The following DPP10 variants were observed in gnomAD, a reference collection of about 807,000 sequenced individuals.
DPP10 encodes the protein inactive dipeptidyl peptidase 10.
In DPP10, 33 loss-of-function variants were observed where a neutral mutation model predicts 120.9. The ratio of observed to expected loss-of-function variants is 0.27; its 90% confidence interval spans 0.21 to 0.37. The LOEUF is 0.37. DPP10 is among the 10% of genes least tolerant of loss of function. DPP10 has a pLI of 1.00. For synonymous variants in DPP10, 337 were observed against 326.1 expected, an observed-to-expected ratio of 1.03 and a Z score of -0.36; for missense variants, 816 against 942.8, an observed-to-expected ratio of 0.87 and a Z score of 1.76.
intron 1 of DPP10, among the ~76,000 whole-genome samples, chr2:114,968,236 G>C (rs975950574): frequency 6.6e-6 from 1 of 152,090 alleles, no homozygotes; most frequent in Non-Finnish European, 1.5e-5. Flanking sequence ...GCTCTGAAAG[G>C]TATTCCTTAT....
chr2:114,959,672 C>T (rs564020118), intron 1 of DPP10, among the ~76,000 whole-genome samples: 1 of 152,200 alleles, frequency 6.6e-6, no homozygotes, highest in African/African-American at 2.4e-5. Context: ...AACTGGATAC[C>T]ACACTGCCAA....
chr2:115,642,384 G>A (rs79747353), intron 5 of DPP10, among the ~76,000 whole-genome samples: 2,688 of 152,196 alleles, frequency 0.018, 89 homozygotes, highest in African/African-American at 0.061. Context: ...TCATCCATTA[G>A]TTTAAGGTCT....
intron 11 of DPP10, among the ~76,000 whole-genome samples, chr2:115,755,360 A>AGG (rs1679261487): frequency 6.6e-6 from 1 of 152,102 alleles, no homozygotes. Context: ...AGAAATAAAT[A>AGG]CATGTGTTTA....
intron 5 of DPP10, among the ~76,000 whole-genome samples, chr2:115,670,683 GCCATTCTCA>G (rs1326773889): frequency 6.6e-6 from 1 of 152,136 alleles, no homozygotes; most frequent in African/African-American, 2.4e-5. Flanking sequence ...CGTTAAAGCT[GCCATTCTCA>G]AATAAGGACT....
intron 1 of DPP10, among the ~76,000 whole-genome samples, chr2:114,490,985 A>G (rs550626449): frequency 6.6e-6 from 1 of 152,294 alleles, no homozygotes; most frequent in South Asian, 2.1e-4. Context: ...CAGATCCATA[A>G]TTAGCATTAA....
intron 19 of DPP10, among the ~76,000 whole-genome samples, chr2:115,806,597 G>A (rs1178584598): frequency 6.6e-6 from 1 of 152,126 alleles, no homozygotes; most frequent in Admixed American, 6.5e-5. Flanking sequence ...TACCAAGGAT[G>A]AAATACAGGT....
At chr2:114,762,232 A>C (rs1204763103) in intron 1 of DPP10, among the ~76,000 whole-genome samples, 1 of 152,242 alleles carries the variant, frequency 6.6e-6, no homozygotes, top group Admixed American at 6.5e-5. Flanking sequence ...GGAAGCCTTA[A>C]GCATTAGATC....
chr2:114,722,275 ATTTTT>A (rs1558671063), intron 1 of DPP10, among the ~76,000 whole-genome samples: 7 of 152,110 alleles, frequency 4.6e-5, no homozygotes, highest in African/African-American at 1.4e-4. Flanking sequence ...GCACTACACT[ATTTTT>A]GTCAAGAATG....
intron 1 of DPP10, among the ~76,000 whole-genome samples, chr2:115,210,096 G>A (rs2056407163): frequency 6.6e-6 from 1 of 152,034 alleles, no homozygotes; most frequent in Non-Finnish European, 1.5e-5. Flanking sequence ...ATGTATACAT[G>A]TGCCATGTTG....
chr2:115,121,630 G>A (rs1352620803), intron 1 of DPP10, among the ~76,000 whole-genome samples: 5 of 152,210 alleles, frequency 3.3e-5, no homozygotes, highest in African/African-American at 1.2e-4. Context: ...GCCCATTTGG[G>A]CAATTCTTTT....
chr2:115,024,217 G>A (rs1166242477), intron 1 of DPP10, among the ~76,000 whole-genome samples: 1 of 152,102 alleles, frequency 6.6e-6, no homozygotes, highest in East Asian at 1.9e-4. Context: ...TATTTCAGGT[G>A]GGTTTCTTAT....
chr2:115,408,263 C>A (rs2068679450), intron 3 of DPP10, among the ~76,000 whole-genome samples: 1 of 152,108 alleles, frequency 6.6e-6, no homozygotes, highest in South Asian at 2.1e-4. Flanking sequence ...GGCTCCTCCG[C>A]CCTGCAAATG....
At chr2:114,889,006 T>C (rs1692317337) in intron 1 of DPP10, among the ~76,000 whole-genome samples, 1 of 152,054 alleles carries the variant, frequency 6.6e-6, no homozygotes, top group Non-Finnish European at 1.5e-5. Context: ...GGCATTAGAG[T>C]GGGCTCTAAT....
intron 1 of DPP10, among the ~76,000 whole-genome samples, chr2:114,986,948 A>G (rs1293757990): frequency 6.6e-6 from 1 of 151,482 alleles, no homozygotes; most frequent in Non-Finnish European, 1.5e-5. Flanking sequence ...ATTTTTTTTT[A>G]TTATTATTTT....
chr2:115,093,358 A>G (rs1247206467), intron 1 of DPP10, among the ~76,000 whole-genome samples: 1 of 152,106 alleles, frequency 6.6e-6, no homozygotes, highest in Non-Finnish European at 1.5e-5. Flanking sequence ...ACTTAGTGAG[A>G]CCAATATACT....
chr2:115,029,541 C>T (rs1467509933), intron 1 of DPP10, among the ~76,000 whole-genome samples: 1 of 150,754 alleles, frequency 6.6e-6, no homozygotes, highest in Non-Finnish European at 1.5e-5. Context: ...CTTTTGTTAT[C>T]TAGGAAAAAC....
chr2:115,575,703 C>CTT lies in DPP10; in HGVS notation c.441+49732_441+49733insTT, dbSNP rs573626309. Among the ~76,000 whole-genome samples, 252 of 152,226 alleles carry CTT rather than the reference C, an allele frequency of 1.7e-3. 1 individual carries two copies. The highest frequency in any genetic ancestry group is 5.8e-3 in the African/African-American group (240 of 41,532). ...TCCACAACCCCCAGAACTTGTGAGT[C>CTT]TGCCACCTTTTATGGCAAAGGGGAA... is the stretch of plus-strand genomic sequence containing the variant. On this transcript the variant is annotated intron_variant, in intron 5 of 25. Transcript: ENST00000410059.
At chr2:114,787,471 T>C (rs1682862454) in intron 1 of DPP10, among the ~76,000 whole-genome samples, 1 of 152,238 alleles carries the variant, frequency 6.6e-6, no homozygotes, top group Non-Finnish European at 1.5e-5. Context: ...TTATCATTTT[T>C]AAGTATACCT....
chr2:114,477,124 A>G (rs1418052338), intron 1 of DPP10, among the ~76,000 whole-genome samples: 1 of 151,902 alleles, frequency 6.6e-6, no homozygotes, highest in Non-Finnish European at 1.5e-5. Flanking sequence ...CACACTGGCT[A>G]ATTTTTGTAT....
Sources: allele counts gnomAD v4.1 joint callset (sites outside exome capture counted in the v4.1 genomes callset), GRCh38; gene constraint gnomAD v4.1.1; transcripts MANE v1.5; gene names NCBI Gene and HGNC (gene_info 2026-07-23, HGNC 2026-07-21).